PHACTR1: variants seen among roughly 807,000 people sequenced by gnomAD.
The protein encoded by PHACTR1 is phosphatase and actin regulator 1.
A neutral mutation model predicts 69.2 loss-of-function variants in PHACTR1; 16 were observed. The ratio of observed to expected loss-of-function variants is 0.23; its 90% CI spans 0.16 to 0.35. The LOEUF (loss-of-function observed/expected upper bound fraction) is 0.35, where lower values mean the gene tolerates loss of function less well. PHACTR1 is among the 10% of genes least tolerant of loss of function. The pLI is 1.00. For missense variants in PHACTR1, 510 were observed against 734.7 expected (o/e 0.69, Z 3.54); for synonymous variants, 312 against 284.5 (o/e 1.10, Z -0.97).
chr6:12,957,295 G>T, intron 4 of PHACTR1: 1 of 699,468 alleles, frequency 1.4e-6, no homozygotes, highest in Non-Finnish European at 1.7e-6. Context: ...GTGAGTTCCA[G>T]ACTTCCAAGC....
intron 4 of PHACTR1, among the ~76,000 whole-genome samples, chr6:12,824,421 C>T (rs1435043951): frequency 6.6e-6 from 1 of 152,256 alleles, no homozygotes; most frequent in African/African-American, 2.4e-5. Context: ...TACCCTGGTC[C>T]GTGGAAAAAT....
intron 4 of PHACTR1, among the ~76,000 whole-genome samples, chr6:12,995,728 T>C (rs1440668767): frequency 6.6e-6 from 1 of 151,880 alleles, no homozygotes; most frequent in Non-Finnish European, 1.5e-5. Flanking sequence ...AACAAAATAG[T>C]CTCCAAATAT....
At chr6:13,003,104 C>A (rs1798286676) in intron 4 of PHACTR1, among the ~76,000 whole-genome samples, 1 of 151,848 alleles carries the variant, frequency 6.6e-6, no homozygotes. Flanking sequence ...TGATATATTG[C>A]CAATTTGGGA....
chr6:12,780,326 T>A (rs1039449036), intron 4 of PHACTR1, among the ~76,000 whole-genome samples: 1 of 151,892 alleles, frequency 6.6e-6, no homozygotes, highest in Admixed American at 6.6e-5. Context: ...TGCGTGTGCA[T>A]GTACATACCT....
At chr6:13,070,259 AT>A (rs1809298990) in intron 5 of PHACTR1, among the ~76,000 whole-genome samples, 1 of 152,172 alleles carries the variant, frequency 6.6e-6, no homozygotes, top group Non-Finnish European at 1.5e-5. Flanking sequence ...TTTCCCCAGA[AT>A]TCTTTGACCT....
Position 13,286,328 on chromosome 6 carries a change from A to G in PHACTR1, c.1727+106A>G. 4.4e-6 allele frequency: 4 copies of G among 918,950 alleles called. No homozygotes were observed. In the South Asian group the frequency reaches 5.6e-5, roughly 13 times the overall value. The allele number at this position is 918,950 out of a possible 1,614,324, so 56.9% of individuals were successfully genotyped here. A position where few individuals can be genotyped will look rare whatever the true frequency, so the allele number is the denominator to read the frequency against. On this transcript the variant is annotated intron_variant, in intron 14 of 14. Transcript: ENST00000332995. Reference sequence around the variant, plus strand: ...GGACATGAGTGGGTTGGAGGGTGCCATGAGAGGGAAGATAGTAGGAAGGCA... The same window carrying G: ...GGACATGAGTGGGTTGGAGGGTGCCGTGAGAGGGAAGATAGTAGGAAGGCA...
intron 9 of PHACTR1, among the ~76,000 whole-genome samples, chr6:13,229,537 G>A (rs1170121143): frequency 6.6e-6 from 1 of 150,404 alleles, no homozygotes; most frequent in African/African-American, 2.5e-5. Flanking sequence ...TCTCCTTCAC[G>A]TCCCCCCAGC....
intron 4 of PHACTR1, among the ~76,000 whole-genome samples, chr6:13,023,557 C>T (rs958392543): frequency 1.2e-4 from 19 of 152,224 alleles, no homozygotes; most frequent in African/African-American, 3.1e-4. Flanking sequence ...CCCGTTCTTT[C>T]GTTCTCATTT....
intron 4 of PHACTR1, among the ~76,000 whole-genome samples, chr6:12,845,429 ACCCC>A (rs1214194071): frequency 1.1e-4 from 2 of 18,028 alleles, no homozygotes; most frequent in African/African-American, 2.3e-4. Context: ...AACACCACCC[ACCCC>A]CCCCCCCCCC....
chr6:12,788,647 T>G (rs1047941366), intron 4 of PHACTR1, among the ~76,000 whole-genome samples: 1 of 152,236 alleles, frequency 6.6e-6, no homozygotes, highest in African/African-American at 2.4e-5. Context: ...AGGATATCCA[T>G]AAATCTGACA....
intron 4 of PHACTR1, among the ~76,000 whole-genome samples, chr6:12,894,000 C>G (rs1350320848): frequency 6.6e-6 from 1 of 152,180 alleles, no homozygotes; most frequent in Admixed American, 6.5e-5. Flanking sequence ...TGGCAATTTG[C>G]AAGGGAACAC....
chr6:13,207,333 G>T (rs1216239135), intron 8 of PHACTR1, among the ~76,000 whole-genome samples: 2 of 152,210 alleles, frequency 1.3e-5, no homozygotes, highest in African/African-American at 4.8e-5. Context: ...GGGAAGGTGG[G>T]AAGGTATACC....
chr6:12,729,893 G>A (rs1178270473), intron 3 of PHACTR1, among the ~76,000 whole-genome samples: 1 of 152,188 alleles, frequency 6.6e-6, no homozygotes, highest in Non-Finnish European at 1.5e-5. Context: ...TAGACAGAGA[G>A]TGAGAGAGAG....
rs140925799 is a variant in PHACTR1 at position 12,917,278 on chromosome 6, G to A, written c.251-136087G>A. Among the ~76,000 whole-genome samples, 599 of 152,344 alleles carry A rather than the reference G, an allele frequency of 3.9e-3. 10 individuals carry two copies. Among genetic ancestry groups the A allele is most frequent in the Admixed American group, 0.031 (479 of 15,306 alleles). ...GTTGAGTGAAGTTGTCACAAGACTT[G>A]TAGCATAGCCTGGATTTTTCTCTAG... On this transcript the variant is annotated intron_variant, in intron 4 of 14. Coordinates refer to ENST00000332995, the MANE Select transcript of PHACTR1 (RefSeq NM_030948.6).
intron 4 of PHACTR1, among the ~76,000 whole-genome samples, chr6:12,782,254 T>A (rs1399886241): frequency 1.3e-5 from 2 of 152,156 alleles, no homozygotes; most frequent in Non-Finnish European, 2.9e-5. Flanking sequence ...ATTCATTAGA[T>A]CTGAGGGTTT....
At chr6:13,272,682 T>C (rs1778003895) in intron 10 of PHACTR1, 178 bp from the exon 11 acceptor site, 1 of 1,530,484 alleles carries the variant, frequency 6.5e-7, no homozygotes, top group Non-Finnish European at 8.8e-7. Flanking sequence ...GTGCCTCTCC[T>C]GGGCTTGAAA....
intron 4 of PHACTR1, among the ~76,000 whole-genome samples, chr6:12,964,415 A>G (rs1002664097): frequency 1.3e-5 from 2 of 152,304 alleles, no homozygotes; most frequent in Admixed American, 6.5e-5. Flanking sequence ...TTGAGAGCTG[A>G]ATAGGTATAT....
At chr6:12,861,595 C>T (rs572726853) in intron 4 of PHACTR1, among the ~76,000 whole-genome samples, 1 of 152,216 alleles carries the variant, frequency 6.6e-6, no homozygotes, top group Non-Finnish European at 1.5e-5. Context: ...GGTAGAGGCT[C>T]TGTGCTGTAA....
intron 4 of PHACTR1, among the ~76,000 whole-genome samples, chr6:12,893,340 G>C (rs1465861460): frequency 1.3e-5 from 2 of 152,152 alleles, no homozygotes; most frequent in Non-Finnish European, 2.9e-5. Flanking sequence ...ATCCAAAAAA[G>C]AAAGTTAACA....
Sources: gnomAD v4.1 joint callset for allele counts (sites outside exome capture counted in the v4.1 genomes callset) on GRCh38, gnomAD v4.1.1 for gene constraint, MANE v1.5 for transcripts, NCBI Gene and HGNC (gene_info 2026-07-23, HGNC 2026-07-21) for gene names.